The following SEZ6 variants were observed in gnomAD, a reference collection of about 807,000 sequenced individuals.
The protein encoded by SEZ6 is seizure related 6 homolog.
A neutral mutation model predicts 101.0 loss-of-function variants in SEZ6; 53 were observed. The ratio of observed to expected loss-of-function variants is 0.52; its 90% CI spans 0.42 to 0.66. The LOEUF (loss-of-function observed/expected upper bound fraction) is 0.66, where lower values mean the gene tolerates loss of function less well. Among genes scored for constraint, SEZ6 ranks in the 30% least tolerant of loss-of-function variants. SEZ6 has a pLI of 0.00. For missense variants in SEZ6, 1,102 were observed against 1,289.4 expected (o/e 0.85, Z 2.23); for synonymous variants, 488 against 512.2 (o/e 0.95, Z 0.64).
Position 28,959,308 on chromosome 17 carries a change from C to T in SEZ6, c.1910+26G>A. The T allele has an allele frequency of 6.2e-7, 1 of 1,613,924 alleles. No homozygotes were observed. Among genetic ancestry groups the T allele is most frequent in the Non-Finnish European group, 8.5e-7 (1 of 1,179,850 alleles). ...GATATCCCCAGACCTCAGGAGTTGGCTCGGCCTGACCCGGTAGGCACTCAC... is the reference window on the plus strand; with the variant it reads ...GATATCCCCAGACCTCAGGAGTTGGTTCGGCCTGACCCGGTAGGCACTCAC... On this transcript the variant is annotated intron_variant, in intron 9 of 16. Coordinates refer to ENST00000317338, the MANE Select transcript of SEZ6 (RefSeq NM_178860.5). This position sits in a 1 kb window ranked among gnomAD's most constrained non-coding sequence, Gnocchi z 4.4.
Position 28,956,769 on chromosome 17 carries a change from G to C in SEZ6, c.2693-12C>G, listed in dbSNP as rs1302624239. On this transcript the variant is annotated splice_polypyrimidine_tract_variant and intron_variant, in intron 13 of 16. Transcript: ENST00000317338. The stretch of plus-strand genomic sequence containing the variant: ...CCCATCCAGAGAGGCTGGAACAAAA[G>C]GGGAGGGCCAAGGGCAGTGAGTGAG... 12 of 1,561,272 alleles carry C rather than the reference G, an allele frequency of 7.7e-6. No individual in the cohort carries two copies. The Admixed American group carries it at 9.6e-5, about 13-fold the overall frequency.
chr17:28,991,914 GT>G (rs1365191643), intron 1 of SEZ6, among the ~76,000 whole-genome samples: 4 of 152,172 alleles, frequency 2.6e-5, no homozygotes, highest in Middle Eastern at 3.2e-3. Flanking sequence ...GATTTTATGG[GT>G]GGAGGACAGC....
rs1197066800 is a variant in SEZ6 at position 28,960,886 on chromosome 17, C to T, written c.1328G>A (p.Cys443Tyr). Reference sequence around the variant, plus strand: ...CTCAGGAGCCTCAAGCAGCCAGTGACAGGTGAGGTTGTTGCTGTAGTTGCC... The same window carrying T: ...CTCAGGAGCCTCAAGCAGCCAGTGATAGGTGAGGTTGTTGCTGTAGTTGCC... ...FPGNYSNNLT[C>Y]HWLLEAPEGQ... Residue 443 changes from cysteine (C) to tyrosine (Y), a missense_variant, in exon 6 of 17, where the codon TGT becomes TAT. Transcript: ENST00000317338. 6.2e-7 allele frequency: 1 copy of T among 1,613,982 alleles called. No homozygotes were observed. Among genetic ancestry groups the T allele is most frequent in the East Asian group, 2.2e-5 (1 of 44,882 alleles).
At chr17:28,999,676 C>G (rs948757533) in intron 1 of SEZ6, among the ~76,000 whole-genome samples, 1 of 152,176 alleles carries the variant, frequency 6.6e-6, no homozygotes, top group Non-Finnish European at 1.5e-5. Flanking sequence ...TGGAAGGAAG[C>G]TGGGGCAGGG....
chr17:28,956,446 G>A lies in SEZ6; in HGVS notation c.2753C>T (p.Ser918Phe). ...AATGTGGGCAGCATCCAGGGTGCTG[G>A]AGGCAGCAGGTGCCTTGGCAACTGA... The part of the protein sequence containing the change: ...SLDVAKAPAA[S>F]STLDAAHIAA... The change falls in exon 15 of 17, where the codon TCC becomes TTC. Residue 918 changes from serine to phenylalanine, a missense_variant. By Grantham distance (155) the Ser-to-Phe change is radical. Around this residue, in one of 3 missense-constraint regions of SEZ6, gnomAD observed 140 missense variants for 135.7 expected, o/e 1.03. Transcript: ENST00000317338. The A allele has an allele frequency of 1.3e-6, 2 of 1,557,672 alleles. No homozygotes were observed. The highest frequency in any genetic ancestry group is 1.7e-6 in the Non-Finnish European group (2 of 1,151,154).
intron 5 of SEZ6, 26 bp from the exon 6 acceptor site, chr17:28,960,999 G>T: frequency 4.4e-6 from 7 of 1,597,344 alleles, no homozygotes; most frequent in Non-Finnish European, 5.1e-6. Context: ...CAGGACGTAG[G>T]CTAGGCCCCT....
Position 29,005,919 on chromosome 17 carries a change from G to A in SEZ6, c.-50C>T. 7.3e-7 allele frequency: 1 copy of A among 1,374,994 alleles called. No homozygotes were observed. The highest frequency in any genetic ancestry group is 9.5e-7 in the Non-Finnish European group (1 of 1,056,332). The allele number at this position is 1,374,994 out of a possible 1,614,324, so 85.2% of individuals were successfully genotyped here. A position where few individuals can be genotyped will look rare whatever the true frequency, so the allele number is the denominator to read the frequency against. On this transcript the variant is annotated 5_prime_UTR_variant, in exon 1 of 17. Transcript: ENST00000317338. This position sits in a 1 kb window ranked among gnomAD's most constrained non-coding sequence, Gnocchi z 4.8. ...GGCTGGGACCGCGGCGGGAGGGCGG[G>A]GGGCTTGGTGGGGCTTGGGCGCGGG...
chr17:28,992,663 C>G (rs547797473), intron 1 of SEZ6, among the ~76,000 whole-genome samples: 23 of 152,306 alleles, frequency 1.5e-4, no homozygotes, highest in Non-Finnish European at 2.9e-4. Context: ...GACAGCGTCT[C>G]AGGCTCTGGG....
In SEZ6 at chr17:28,958,246, G is replaced by T. The variant is rs1185269760; in HGVS notation, c.2108-105C>A. ...CTCCTGCTAGTTTGTCCTGGACCTA[G>T]ACTGTCCTGGGCGGGCTCAGGGATC... On this transcript the variant is annotated intron_variant, in intron 10 of 16. Coordinates refer to ENST00000317338, the MANE Select transcript of SEZ6 (RefSeq NM_178860.5). 3.6e-6 allele frequency: 5 copies of T among 1,375,012 alleles called. No individual in the cohort carries two copies. The South Asian group carries it at 6.9e-5, about 19-fold the overall frequency. The allele number at this position is 1,375,012 out of a possible 1,614,324, so 85.2% of individuals were successfully genotyped here. A position where few individuals can be genotyped will look rare whatever the true frequency, so the allele number is the denominator to read the frequency against.
At chr17:28,958,580 A>G (rs1444342324) in intron 10 of SEZ6, among the ~76,000 whole-genome samples, 2 of 152,162 alleles carry the variant, frequency 1.3e-5, no homozygotes, top group Non-Finnish European at 2.9e-5. Flanking sequence ...ACTTGAAGCC[A>G]GGAGTTCGAG....
intron 2 of SEZ6, among the ~76,000 whole-genome samples, chr17:28,980,259 G>C (rs1302722102): frequency 6.7e-6 from 1 of 148,172 alleles, no homozygotes; most frequent in Non-Finnish European, 1.5e-5. Flanking sequence ...TCAGGCTGAA[G>C]TGCAATGGCG....
intron 1 of SEZ6, among the ~76,000 whole-genome samples, chr17:28,987,303 C>A (rs2041397748): frequency 6.6e-6 from 1 of 152,180 alleles, no homozygotes; most frequent in Non-Finnish European, 1.5e-5. Context: ...GCTGAGAGTG[C>A]TTGGGCCCCC....
intron 1 of SEZ6, among the ~76,000 whole-genome samples, chr17:28,993,737 A>G (rs760033794): frequency 1.3e-5 from 2 of 152,052 alleles, no homozygotes; most frequent in Non-Finnish European, 1.5e-5. Context: ...CCAGGGCCGG[A>G]GAGTAGGTTC....
At chr17:29,003,312 C>T (rs542024820) in intron 1 of SEZ6, among the ~76,000 whole-genome samples, 14 of 152,358 alleles carry the variant, frequency 9.2e-5, no homozygotes, top group East Asian at 5.8e-4. Context: ...CCCCTGATGC[C>T]TGACGCCAAT....
intron 3 of SEZ6, 93 bp from the exon 4 acceptor site, chr17:28,970,045 A>C (rs2041129331): frequency 8.4e-7 from 1 of 1,196,500 alleles, no homozygotes; most frequent in East Asian, 2.9e-5. Flanking sequence ...GGCCCCGGGC[A>C]GATCAATCCT....
At chr17:28,991,126 A>G (rs911338398) in intron 1 of SEZ6, among the ~76,000 whole-genome samples, 4 of 152,114 alleles carry the variant, frequency 2.6e-5, no homozygotes, top group Non-Finnish European at 5.9e-5. Flanking sequence ...GCTGATCTCA[A>G]ACTCCTGACC....
At chr17:28,963,785 C>G (rs548513268) in intron 5 of SEZ6, among the ~76,000 whole-genome samples, 177 bp downstream of exon 5, 3 of 152,358 alleles carry the variant, frequency 2.0e-5, no homozygotes, top group South Asian at 2.1e-4. Flanking sequence ...ACCTGTGGTG[C>G]CTTCATCTGG....
At chr17:28,991,072 A>C (rs1051995261) in intron 1 of SEZ6, among the ~76,000 whole-genome samples, 6 of 151,426 alleles carry the variant, frequency 4.0e-5, no homozygotes, top group African/African-American at 1.5e-4. Context: ...TGGCCAGCTA[A>C]TTTTTGTATT....
chr17:28,959,819 A>G lies in SEZ6; in HGVS notation c.1650T>C (p.Pro550=), dbSNP rs767014595. 36 of 1,613,794 alleles carry G rather than the reference A, an allele frequency of 2.2e-5. No homozygotes were observed. Among genetic ancestry groups the G allele is most frequent in the Non-Finnish European group, 2.8e-5 (33 of 1,179,842 alleles). ...AGCTGAACTCCACAGTGGTACCCAC[A>G]GGGTAGGTGGGTGTGCTGCTGCTGA... is the stretch of plus-strand genomic sequence containing the variant. ...GNFSSSTPTY[P]VGTTVEFSCD... is the part of the protein sequence containing the mutation. Residue 550 remains proline, a synonymous_variant, in exon 8 of 17, where the codon CCT becomes CCC. Coordinates refer to ENST00000317338, the MANE Select transcript of SEZ6 (RefSeq NM_178860.5). The surrounding 1 kb of genome is among the most constrained non-coding windows in gnomAD (Gnocchi z 4.4).
Sources: allele counts gnomAD v4.1 joint callset (sites outside exome capture counted in the v4.1 genomes callset), GRCh38; gene constraint gnomAD v4.1.1; regional missense constraint gnomAD v4.1.1; non-coding constraint Gnocchi (gnomAD v3.1); transcripts MANE v1.5; gene names NCBI Gene and HGNC (gene_info 2026-07-23, HGNC 2026-07-21).